The following PCSK5 variants were observed in gnomAD, a reference collection of about 807,000 sequenced individuals.
The protein encoded by PCSK5 is prohormone convertase 5.
PCSK5 carries 129 observed loss-of-function variants against 233.2 expected under a neutral mutation model. The ratio of observed to expected loss-of-function variants is 0.55; its 90% CI spans 0.48 to 0.64. The LOEUF is 0.64. Among genes scored for constraint, PCSK5 ranks in the 30% least tolerant of loss-of-function variants. The pLI is 0.00. For missense variants in PCSK5, 2,076 were observed against 2,430.1 expected (o/e 0.85, Z 3.06); for synonymous variants, 825 against 879.2 (o/e 0.94, Z 1.09).
chr9:76,211,478 A>T (rs1315081522), intron 20 of PCSK5, among the ~76,000 whole-genome samples: 1 of 152,198 alleles, frequency 6.6e-6, no homozygotes, highest in Non-Finnish European at 1.5e-5. Context: ...CCATAAGTGG[A>T]GACTGGTTTG....
chr9:76,156,421 T>C (rs1822587982), intron 10 of PCSK5, among the ~76,000 whole-genome samples: 1 of 152,248 alleles, frequency 6.6e-6, no homozygotes, highest in African/African-American at 2.4e-5. Flanking sequence ...ATTTTGTATA[T>C]GCTAGAAGAA....
intron 10 of PCSK5, among the ~76,000 whole-genome samples, chr9:76,151,768 G>A (rs917465698): frequency 1.3e-5 from 2 of 152,068 alleles, no homozygotes; most frequent in South Asian, 2.1e-4. Flanking sequence ...CTTACTCTTT[G>A]GATGTCCTTT....
At chr9:76,181,944 C>T (rs987207048) in intron 16 of PCSK5, among the ~76,000 whole-genome samples, 6 of 152,142 alleles carry the variant, frequency 3.9e-5, no homozygotes, top group Admixed American at 1.3e-4. Context: ...TTCACTTCCC[C>T]GTGCAACAAT....
chr9:76,013,846 TG>T (rs1364187089), intron 3 of PCSK5, among the ~76,000 whole-genome samples: 1 of 152,176 alleles, frequency 6.6e-6, no homozygotes, highest in Non-Finnish European at 1.5e-5. Flanking sequence ...TATTAAAAGT[TG>T]TTTTTCAGTA....
At chr9:75,900,302 A>G (rs549526414) in intron 1 of PCSK5, among the ~76,000 whole-genome samples, 7 of 152,320 alleles carry the variant, frequency 4.6e-5, no homozygotes, top group Middle Eastern at 3.4e-3. Context: ...CCCGCATACA[A>G]TTGTTGTGAG....
At chr9:76,309,625 T>C (rs1178753203) in intron 29 of PCSK5, among the ~76,000 whole-genome samples, 2 of 151,040 alleles carry the variant, frequency 1.3e-5, no homozygotes, top group African/African-American at 4.9e-5. Context: ...ACCTGGGAGG[T>C]AGAGGTTGCA....
At chr9:76,009,178 T>A (rs1827612537) in intron 3 of PCSK5, among the ~76,000 whole-genome samples, 1 of 152,152 alleles carries the variant, frequency 6.6e-6, no homozygotes, top group South Asian at 2.1e-4. Flanking sequence ...AAGATGCAAA[T>A]TTAATTTTAT....
chr9:76,276,221 A>G (rs1005516744), intron 24 of PCSK5, among the ~76,000 whole-genome samples: 2 of 152,100 alleles, frequency 1.3e-5, no homozygotes, highest in Admixed American at 1.3e-4. Flanking sequence ...CTAAAAATAT[A>G]TAAATAAATA....
intron 33 of PCSK5, 61 bp from the exon 34 acceptor site, chr9:76,332,372 A>G: frequency 7.6e-7 from 1 of 1,311,634 alleles, no homozygotes; most frequent in Non-Finnish European, 1.1e-6. Context: ...CAAGAGGGAA[A>G]ATACAGGGGA....
intron 1 of PCSK5, among the ~76,000 whole-genome samples, chr9:75,902,239 A>G (rs1039134809): frequency 8.4e-5 from 12 of 143,274 alleles, no homozygotes; most frequent in South Asian, 2.2e-4. Context: ...AAAAAAAAAA[A>G]AAAAGAAAAG....
chr9:76,160,769 C>CTTTTTTT (rs57054216), intron 12 of PCSK5, among the ~76,000 whole-genome samples: 1 of 148,456 alleles, frequency 6.7e-6, no homozygotes. Flanking sequence ...AATCTGATAT[C>CTTTTTTT]TTTTTTTTTT....
intron 3 of PCSK5, among the ~76,000 whole-genome samples, chr9:76,017,738 TTGTG>T (rs779669788): frequency 6.6e-6 from 1 of 151,848 alleles, no homozygotes; most frequent in East Asian, 1.9e-4. Flanking sequence ...CTGGGGGCAA[TTGTG>T]TGTGTGTATG....
intron 3 of PCSK5, among the ~76,000 whole-genome samples, chr9:75,999,725 G>A (rs990879067): frequency 6.6e-6 from 1 of 152,220 alleles, no homozygotes; most frequent in Non-Finnish European, 1.5e-5. Context: ...GTGCTGCAGA[G>A]ATTTTGTTTA....
intron 2 of PCSK5, among the ~76,000 whole-genome samples, chr9:75,976,824 A>G (rs933162841): frequency 1.3e-5 from 2 of 152,092 alleles, no homozygotes; most frequent in African/African-American, 2.4e-5. Flanking sequence ...TTTAAATGTT[A>G]AAGAAATATC....
intron 2 of PCSK5, among the ~76,000 whole-genome samples, chr9:75,965,355 AG>A (rs1825537586): frequency 8.5e-4 from 1 of 1,176 alleles, no homozygotes; most frequent in African/African-American, 1.9e-3. Context: ...ACAGAAGCTG[AG>A]AGAGGTCCCA....
intron 24 of PCSK5, among the ~76,000 whole-genome samples, chr9:76,259,719 C>T (rs1827105376): frequency 6.6e-6 from 1 of 152,066 alleles, no homozygotes; most frequent in Non-Finnish European, 1.5e-5. Flanking sequence ...GTTGAACATC[C>T]ATAATGTTCA....
At chr9:76,014,304 T>C (rs1403687480) in intron 3 of PCSK5, among the ~76,000 whole-genome samples, 2 of 152,210 alleles carry the variant, frequency 1.3e-5, no homozygotes, top group East Asian at 3.9e-4. Flanking sequence ...TTTCTTGGCA[T>C]ATAAGCACTT....
chr9:75,999,285 G>A (rs1827164733), intron 3 of PCSK5, among the ~76,000 whole-genome samples: 1 of 151,922 alleles, frequency 6.6e-6, no homozygotes, highest in Admixed American at 6.6e-5. Context: ...TGTTCAATGT[G>A]GAGTCGGTCG....
chr9:76,085,928 A>G (rs1377650616), intron 7 of PCSK5, among the ~76,000 whole-genome samples: 1 of 152,226 alleles, frequency 6.6e-6, no homozygotes, highest in Admixed American at 6.5e-5. Context: ...GTGCCTGTCC[A>G]AATATTTACA....
Sources: allele counts gnomAD v4.1 joint callset (sites outside exome capture counted in the v4.1 genomes callset), GRCh38; gene constraint gnomAD v4.1.1; transcripts MANE v1.5; gene names NCBI Gene and HGNC (gene_info 2026-07-23, HGNC 2026-07-21).